The following ITGB5 variants were observed in gnomAD, a reference collection of about 807,000 sequenced individuals.
The protein encoded by ITGB5 is integrin beta-5.
Under a neutral mutation model 84.8 loss-of-function variants are expected in ITGB5, and 38 were observed. That is an observed-to-expected ratio of 0.45 (90% CI 0.35 to 0.59). The LOEUF (loss-of-function observed/expected upper bound fraction) is 0.59. ITGB5 is among the 20% of genes least tolerant of loss of function. The probability of loss-of-function intolerance (pLI) is 0.01; values close to 1 mark genes in which losing one functional copy is unlikely to be tolerated. For missense variants in ITGB5, 905 were observed against 1,034.5 expected (o/e 0.87, Z 1.72); for synonymous variants, 393 against 414.4 (o/e 0.95, Z 0.63).
At chr3:124,781,708 C>G (rs538385453) in intron 10 of ITGB5, among the ~76,000 whole-genome samples, 1 of 152,168 alleles carries the variant, frequency 6.6e-6, no homozygotes, top group Non-Finnish European at 1.5e-5. Flanking sequence ...GGAGAACTTG[C>G]CAACTAAGGG....
At chr3:124,886,251 G>C (rs1430235753) in intron 1 of ITGB5, among the ~76,000 whole-genome samples, 2 of 148,290 alleles carry the variant, frequency 1.3e-5, no homozygotes, top group African/African-American at 4.9e-5. Context: ...CGGGCAGAAG[G>C]AATTTAATAG....
intron 2 of ITGB5, among the ~76,000 whole-genome samples, chr3:124,866,685 G>A (rs114307875): frequency 0.01 from 1,582 of 152,258 alleles, 18 homozygotes; most frequent in Non-Finnish European, 0.016. Flanking sequence ...TGCTAAGGCC[G>A]ACCTTTCTGG....
chr3:124,811,043 C>T (rs1459652513), intron 8 of ITGB5, among the ~76,000 whole-genome samples: 1 of 152,184 alleles, frequency 6.6e-6, no homozygotes, highest in African/African-American at 2.4e-5. Context: ...TAGTCTCTCC[C>T]TTTGCAACAA....
In ITGB5 at chr3:124,772,162, C is replaced by T. The variant is rs143111380; in HGVS notation, c.1916+1528G>A. On this transcript the variant is annotated intron_variant, in intron 11 of 14. Coordinates refer to ENST00000296181, the MANE Select transcript of ITGB5 (RefSeq NM_002213.5). ...GGCCACAGCTATCTGGGCTCCAGAT[C>T]CAGGATCCTAACCTTCCCCGGGCTG... 6.4e-3 allele frequency among the ~76,000 whole-genome samples: 979 copies of T among 152,272 alleles called. 2 individuals carry two copies. The highest frequency in any genetic ancestry group is 1.0e-2 in the Non-Finnish European group (680 of 68,022).
chr3:124,837,858 G>T (rs1358420495), intron 5 of ITGB5, among the ~76,000 whole-genome samples: 1 of 152,224 alleles, frequency 6.6e-6, no homozygotes, highest in Non-Finnish European at 1.5e-5. Flanking sequence ...AGGGTCAGGG[G>T]AAGTAGAGCG....
chr3:124,877,137 ATT>A (rs34843039), intron 1 of ITGB5, among the ~76,000 whole-genome samples: 3 of 126,738 alleles, frequency 2.4e-5, no homozygotes, highest in African/African-American at 3.0e-5. Flanking sequence ...CACCTGGCTA[ATT>A]TTTTTTTTTT....
intron 3 of ITGB5, among the ~76,000 whole-genome samples, chr3:124,849,854 G>A (rs1375086451): frequency 8.0e-6 from 1 of 125,154 alleles, no homozygotes; most frequent in Non-Finnish European, 1.9e-5. Context: ...AAATCACTTA[G>A]AACCAACTTT....
intron 4 of ITGB5, among the ~76,000 whole-genome samples, chr3:124,845,827 T>C (rs1428552990): frequency 6.6e-6 from 1 of 152,136 alleles, no homozygotes; most frequent in Non-Finnish European, 1.5e-5. Context: ...AAATCACTAT[T>C]TCAGATGAAT....
chr3:124,771,608 TGTG>T (rs1373253790), intron 11 of ITGB5, among the ~76,000 whole-genome samples: 4 of 151,562 alleles, frequency 2.6e-5, no homozygotes, highest in African/African-American at 7.3e-5. Context: ...ATTAGCCAGG[TGTG>T]GTGGTACAAG....
At chr3:124,783,518 G>A (rs747680909) in intron 10 of ITGB5, among the ~76,000 whole-genome samples, 14 of 152,298 alleles carry the variant, frequency 9.2e-5, no homozygotes, top group Admixed American at 2.6e-4. Flanking sequence ...GGTGTCAGGC[G>A]TGTAGAAGAT....
upstream of ITGB5, among the ~76,000 whole-genome samples, chr3:124,891,593 C>CAAAAA (rs59385283): frequency 8.7e-5 from 9 of 103,690 alleles, no homozygotes; most frequent in Admixed American, 1.1e-4. Flanking sequence ...ATAACTGCCT[C>CAAAAA]AAAAAAAAAA....
chr3:124,777,956 C>A (rs753738571), intron 10 of ITGB5, among the ~76,000 whole-genome samples: 158 of 152,300 alleles, frequency 1.0e-3, no homozygotes, highest in Non-Finnish European at 1.3e-3. Flanking sequence ...CACATGTCAT[C>A]AAAAGGACCA....
chr3:124,886,744 A>AGCCCGGCGGGGCTGCGCGCGGGGAGC (rs1304733334), intron 1 of ITGB5, among the ~76,000 whole-genome samples, 187 bp downstream of exon 1: 5 of 151,562 alleles, frequency 3.3e-5, no homozygotes, highest in African/African-American at 1.2e-4. Flanking sequence ...GACTCACGAC[A>AGCCCGGCGGGGCTGCGCGCGGGGAGC]GCCCGGCGGG....
At chr3:124,891,654 G>A (rs920689597), upstream of ITGB5, among the ~76,000 whole-genome samples, 1 of 151,690 alleles carries the variant, frequency 6.6e-6, no homozygotes, top group African/African-American at 2.4e-5. Context: ...TGGGAGAAGT[G>A]GCTCATGCCT....
At chr3:124,878,699 A>C (rs1326687575) in intron 1 of ITGB5, 1 of 152,162 alleles carries the variant, frequency 6.6e-6, no homozygotes, top group Non-Finnish European at 1.5e-5. Flanking sequence ...TGGTATGTGT[A>C]ATGTCAGACT....
At chr3:124,795,996 T>C (rs2064216767) in intron 10 of ITGB5, among the ~76,000 whole-genome samples, 2 of 152,322 alleles carry the variant, frequency 1.3e-5, no homozygotes, top group South Asian at 4.1e-4. Context: ...AGCAATAAGA[T>C]ATGAGTTCAT....
At chr3:124,809,440 C>T (rs532630029) in intron 8 of ITGB5, 5 of 327,188 alleles carry the variant, frequency 1.5e-5, no homozygotes, top group Admixed American at 4.1e-5. Context: ...ACGGGTTATG[C>T]CCCATCCCCT....
rs929915744 is a variant in ITGB5, at chr3:124,873,592, C to T, written c.71-61G>A. On this transcript the variant is annotated intron_variant, in intron 1 of 14. Coordinates refer to ENST00000296181, the MANE Select transcript of ITGB5 (RefSeq NM_002213.5). ...TGGCTATAAACTTCATGGATCAAGC[C>T]TTTGAATAGGGGGAATTACATCCTT... 51 of 1,237,172 alleles carry T rather than the reference C, an allele frequency of 4.1e-5. No individual in the cohort carries two copies. In the African/African-American group the frequency reaches 7.4e-4, roughly 18 times the overall value. The allele number at this position is 1,237,172 out of a possible 1,614,324, so 76.6% of individuals were successfully genotyped here.
intron 10 of ITGB5, among the ~76,000 whole-genome samples, chr3:124,784,053 T>TA (rs1045596465): frequency 8.6e-5 from 13 of 151,552 alleles, no homozygotes; most frequent in Admixed American, 2.0e-4. Flanking sequence ...ACCACTGCTA[T>TA]AAAAAAAAAT....
Sources: gnomAD v4.1 joint callset for allele counts (sites outside exome capture counted in the v4.1 genomes callset) on GRCh38, gnomAD v4.1.1 for gene constraint, MANE v1.5 for transcripts, NCBI Gene and HGNC (gene_info 2026-07-23, HGNC 2026-07-21) for gene names.